Variants in RP1 observed in about 807,000 individuals in gnomAD.
RP1 encodes the protein RP1 axonemal microtubule associated.
In RP1, 16 loss-of-function variants were observed where a neutral mutation model predicts 14.8. That is an observed-to-expected ratio of 1.08 (90% CI 0.73 to 1.65). The LOEUF (loss-of-function observed/expected upper bound fraction) is 1.65, where lower values mean the gene tolerates loss of function less well. Ranked by LOEUF, RP1 falls within the 40% of genes most tolerant of loss-of-function variation. The probability of loss-of-function intolerance (pLI) is 0.00; values close to 1 mark genes in which losing one functional copy is unlikely to be tolerated. For synonymous variants in RP1, 876 were observed against 883.6 expected, an observed-to-expected ratio of 0.99 and a Z score of 0.15; for missense variants, 2,631 against 2,535.0, an observed-to-expected ratio of 1.04 and a Z score of -0.81.
intron 1 of RP1, among the ~76,000 whole-genome samples, chr8:54,588,757 T>C (rs1434988565): frequency 6.6e-6 from 1 of 152,228 alleles, no homozygotes; most frequent in Non-Finnish European, 1.5e-5. Flanking sequence ...TTAATTTTAA[T>C]ATTCTTTGCT....
intron 1 of RP1, among the ~76,000 whole-genome samples, chr8:54,590,292 C>G (rs749149196): frequency 3.3e-5 from 5 of 152,162 alleles, no homozygotes; most frequent in Non-Finnish European, 5.9e-5. Context: ...CTCCCCTTCA[C>G]AGAAACATTC....
chr8:54,680,783 C>G (rs904755937), intron 12 of RP1, among the ~76,000 whole-genome samples: 1 of 151,776 alleles, frequency 6.6e-6, no homozygotes, highest in East Asian at 1.9e-4. Flanking sequence ...ATGGTGAAAC[C>G]CCGTCTCTAC....
Position 54,749,741 on chromosome 8 carries a change from A to T in RP1, c.2809-5062A>T, listed in dbSNP as rs184785271. ...GCCATTTTAGGGAAAGCAGACAAGG[A>T]TTACACAGTGATCTAGGGACCCAGG... is the stretch of plus-strand genomic sequence containing the variant. On this transcript the variant is annotated intron_variant, in intron 19 of 22. Coordinates refer to the RP1 transcript ENST00000636932. Among the ~76,000 whole-genome samples, 98 of 152,264 alleles carry T rather than the reference A, an allele frequency of 6.4e-4. 1 individual carries two copies. The highest frequency in any genetic ancestry group is 2.3e-3 in the African/African-American group (96 of 41,550).
Position 54,630,775 on chromosome 8 carries a change from A to G in RP1, c.*422A>G. The G allele has an allele frequency of 2.0e-6, 2 of 1,005,330 alleles. No individual in the cohort carries two copies. The highest frequency in any genetic ancestry group is 2.4e-6 in the Non-Finnish European group (2 of 842,188). 62.3% of individuals were successfully genotyped at this position (1,005,330 alleles called of 1,614,324 possible). On this transcript the variant is annotated 3_prime_UTR_variant, in exon 4 of 4. Coordinates refer to ENST00000220676, the MANE Select transcript of RP1 (RefSeq NM_006269.2). ...TCAAAGTACTTCACTTATTCTTTTT[A>G]ACTACTGATTTGATAAAAAGTATGA...
At chr8:54,868,660 T>G (rs1049394086) in intron 28 of RP1, among the ~76,000 whole-genome samples, 2 of 152,186 alleles carry the variant, frequency 1.3e-5, no homozygotes, top group Non-Finnish European at 2.9e-5. Context: ...GTGAATTATC[T>G]TCTACTGAAG....
At chr8:54,765,992 GA>G (rs1333651264) in intron 22 of RP1, among the ~76,000 whole-genome samples, 2 of 152,058 alleles carry the variant, frequency 1.3e-5, no homozygotes, top group African/African-American at 4.8e-5. Context: ...TTATAGATAG[GA>G]ATGGGGAAAG....
At chr8:54,696,850 C>G (rs1190944190) in intron 12 of RP1, 5 of 752,070 alleles carry the variant, frequency 6.6e-6, no homozygotes, top group Admixed American at 5.2e-5. Flanking sequence ...TCCAGTAACT[C>G]ATTTTGAAAT....
chr8:54,853,493 G>T (rs966945531), intron 26 of RP1, among the ~76,000 whole-genome samples: 9 of 152,102 alleles, frequency 5.9e-5, no homozygotes, highest in Admixed American at 6.5e-5. Context: ...AGCAGCCTTG[G>T]GGGACAGAAC....
rs1354993327 is a variant in RP1 at position 54,870,119 on chromosome 8, C to T, written c.*177C>T. 1.4e-4 allele frequency: 54 copies of T among 381,092 alleles called. No individual in the cohort carries two copies. In the East Asian group the frequency reaches 1.7e-3, roughly 12 times the overall value. 23.6% of individuals were successfully genotyped at this position (381,092 alleles called of 1,614,324 possible). A position where few individuals can be genotyped will look rare whatever the true frequency, so the allele number is the denominator to read the frequency against. On this transcript the variant is annotated 3_prime_UTR_variant, in exon 29 of 29. Transcript: ENST00000637698. ...ATTGGGAGGATGCACTGACAGCCTC[C>T]GCCAACAGCTGACCAAGATCAGCCC...
chr8:54,761,827 A>G (rs1234438642), intron 22 of RP1, among the ~76,000 whole-genome samples: 3 of 152,200 alleles, frequency 2.0e-5, no homozygotes, highest in African/African-American at 7.2e-5. Flanking sequence ...TTATGTAGCT[A>G]TACAGAGATG....
intron 19 of RP1, among the ~76,000 whole-genome samples, chr8:54,743,616 G>C (rs1333297570): frequency 6.6e-6 from 1 of 151,746 alleles, no homozygotes; most frequent in Non-Finnish European, 1.5e-5. Context: ...ATTTTTTCCT[G>C]TAAGCCCCTA....
intron 14 of RP1, among the ~76,000 whole-genome samples, chr8:54,702,570 C>T (rs1005997979): frequency 6.6e-6 from 1 of 152,040 alleles, no homozygotes; most frequent in Non-Finnish European, 1.5e-5. Context: ...GGTCTTGCCT[C>T]GATATTGACA....
chr8:54,633,848 ATTGGGC>A (rs1806299175), downstream of RP1, among the ~76,000 whole-genome samples: 1 of 151,718 alleles, frequency 6.6e-6, no homozygotes, highest in Non-Finnish European at 1.5e-5. Flanking sequence ...TGTGCCAAAT[ATTGGGC>A]TAAGTTCTTT....
intron 18 of RP1, among the ~76,000 whole-genome samples, chr8:54,735,003 GC>G (rs1331538713): frequency 2.0e-5 from 3 of 152,032 alleles, no homozygotes; most frequent in Non-Finnish European, 2.9e-5. Context: ...TTTGAAACTG[GC>G]CCTATAAACT....
chr8:54,639,784 A>G lies in RP1; in HGVS notation c.788-9201A>G, dbSNP rs73603044. 4.1e-3 allele frequency among the ~76,000 whole-genome samples: 620 copies of G among 152,300 alleles called. 6 individuals carry two copies. The highest frequency in any genetic ancestry group is 0.014 in the African/African-American group (586 of 41,566). On this transcript the variant is annotated intron_variant, in intron 3 of 22. Transcript: ENST00000636932. ...AGAGTTCTTTACATATTCTGGGTAC[A>G]ATATATTCACTTGATCTTAGCCAAA...
intron 25 of RP1, among the ~76,000 whole-genome samples, chr8:54,844,752 A>G (rs1811873936): frequency 6.6e-6 from 1 of 152,236 alleles, no homozygotes; most frequent in Non-Finnish European, 1.5e-5. Flanking sequence ...TACAGCTGGA[A>G]AAATGATATT....
chr8:54,837,767 C>A, intron 25 of RP1: 1 of 599,538 alleles, frequency 1.7e-6, no homozygotes, highest in Non-Finnish European at 2.4e-6. Flanking sequence ...AAGGACCAGA[C>A]AGTAAATATC....
intron 1 of RP1, among the ~76,000 whole-genome samples, chr8:54,584,349 C>T (rs979385406): frequency 2.0e-5 from 3 of 152,190 alleles, no homozygotes; most frequent in African/African-American, 7.2e-5. Context: ...AGTTTGATTG[C>T]ACTGTGGTCT....
intron 8 of RP1, among the ~76,000 whole-genome samples, chr8:54,677,823 A>T (rs979833374): frequency 2.6e-5 from 4 of 152,226 alleles, no homozygotes; most frequent in Non-Finnish European, 5.9e-5. Context: ...ATTAGAATAG[A>T]ATATATTTTG....
Sources: allele counts gnomAD v4.1 joint callset (sites outside exome capture counted in the v4.1 genomes callset), GRCh38; gene constraint gnomAD v4.1.1; transcripts MANE v1.5; gene names NCBI Gene and HGNC (gene_info 2026-07-23, HGNC 2026-07-21).